The following GRHL2 variants were observed in gnomAD, a reference collection of about 807,000 sequenced individuals.
GRHL2 encodes the protein grainyhead-like protein 2 homolog.
In GRHL2, 21 loss-of-function variants were observed where a neutral mutation model predicts 83.8. That is an observed-to-expected ratio of 0.25 (90% confidence interval 0.18 to 0.36). The LOEUF (loss-of-function observed/expected upper bound fraction) is 0.36, where lower values mean the gene tolerates loss of function less well. GRHL2 is among the 10% of genes least tolerant of loss of function. The pLI is 1.00. For missense variants in GRHL2, 623 were observed against 781.8 expected, an observed-to-expected ratio of 0.80 and a Z score of 2.42; for synonymous variants, 280 against 278.9, an observed-to-expected ratio of 1.00 and a Z score of -0.04.
intron 3 of GRHL2, among the ~76,000 whole-genome samples, chr8:101,554,444 T>C (rs1317722436): frequency 1.3e-5 from 2 of 152,332 alleles, no homozygotes; most frequent in Non-Finnish European, 2.9e-5. Context: ...GACAAGTGAG[T>C]ATCTCTTAGG....
At chr8:101,629,342 G>A (rs1398372361) in intron 9 of GRHL2, among the ~76,000 whole-genome samples, 3 of 151,502 alleles carry the variant, frequency 2.0e-5, no homozygotes, top group Non-Finnish European at 4.4e-5. Context: ...TTTAAGTTAA[G>A]GTATGTACAT....
At chr8:101,522,492 G>T (rs1810705487) in intron 1 of GRHL2, among the ~76,000 whole-genome samples, 1 of 152,108 alleles carries the variant, frequency 6.6e-6, no homozygotes. Context: ...GTGGATATGT[G>T]TCCTCCAGCA....
Position 101,664,506 on chromosome 8 carries a change from A to G in GRHL2, c.1751A>G (p.Lys584Arg). ...PVEKIAKLYK[K>R]SKKGILVNMD... ...GAGAAGATAGCAAAGCTTTACAAGA[A>G]AAGCAAAAAAGGGTAAGAAAGAAAC... Residue 584 changes from lysine to arginine, a missense_variant, in exon 15 of 16, where the codon AAA becomes AGA. This residue lies in a region of GRHL2 where 210 missense variants were observed against 254.8 expected (regional missense o/e 0.82). Coordinates refer to ENST00000646743, the MANE Select transcript of GRHL2 (RefSeq NM_024915.4). 6.2e-7 allele frequency: 1 copy of G among 1,612,462 alleles called. No homozygotes were observed. The highest frequency in any genetic ancestry group is 8.5e-7 in the Non-Finnish European group (1 of 1,178,494).
At chr8:101,552,371 A>G (rs1811401447) in intron 2 of GRHL2, among the ~76,000 whole-genome samples, 1 of 152,196 alleles carries the variant, frequency 6.6e-6, no homozygotes, top group Non-Finnish European at 1.5e-5. Context: ...AAGGCACCCA[A>G]GTCTAGATTC....
chr8:101,650,809 TATC>T (rs1329107798), intron 14 of GRHL2, among the ~76,000 whole-genome samples: 3,606 of 149,902 alleles, frequency 0.024, 129 homozygotes, highest in African/African-American at 0.082. Flanking sequence ...TTGTGATATC[TATC>T]TATCTATCTA....
chr8:101,644,457 G>A (rs1306670205), intron 13 of GRHL2, among the ~76,000 whole-genome samples: 3 of 152,202 alleles, frequency 2.0e-5, no homozygotes, highest in African/African-American at 4.8e-5. Flanking sequence ...TTGGGAGAAC[G>A]TAATGAATAA....
At chr8:101,611,699 C>A (rs1812753532) in intron 8 of GRHL2, among the ~76,000 whole-genome samples, 1 of 150,806 alleles carries the variant, frequency 6.6e-6, no homozygotes, top group South Asian at 2.1e-4. Flanking sequence ...GAGGCTGTGG[C>A]CACAGCTCTA....
intron 1 of GRHL2, among the ~76,000 whole-genome samples, chr8:101,523,076 A>AT (rs528653608): frequency 0.016 from 2,409 of 149,294 alleles, 62 homozygotes; most frequent in African/African-American, 0.056. Flanking sequence ...TGCCCCGCTA[A>AT]TTTTTTTTTT....
intron 1 of GRHL2, among the ~76,000 whole-genome samples, chr8:101,498,146 T>C (rs1262531848): frequency 6.6e-6 from 1 of 152,202 alleles, no homozygotes; most frequent in Non-Finnish European, 1.5e-5. Context: ...TGAGACAGAG[T>C]ATTGCTCTGT....
intron 1 of GRHL2, among the ~76,000 whole-genome samples, chr8:101,516,409 CCT>C (rs1491490088): frequency 8.1e-6 from 1 of 124,174 alleles, no homozygotes; most frequent in Admixed American, 9.6e-5. Context: ...TACCTCTTTT[CCT>C]TTTTTTTTTT....
At chr8:101,599,349 G>A (rs545677464) in intron 8 of GRHL2, among the ~76,000 whole-genome samples, 198 bp downstream of exon 8, 135 of 152,268 alleles carry the variant, frequency 8.9e-4, no homozygotes, top group Non-Finnish European at 1.5e-3. Context: ...GCCAAGCTGC[G>A]TGTCCCACCC....
chr8:101,573,543 GT>G, intron 5 of GRHL2, 124 bp from the exon 6 acceptor site: 1 of 1,141,764 alleles, frequency 8.8e-7, no homozygotes, highest in Non-Finnish European at 1.3e-6. Context: ...GCCATATGCT[GT>G]GTTTTGTCTC....
intron 1 of GRHL2, among the ~76,000 whole-genome samples, chr8:101,509,146 C>CTCTTTTCTTT (rs1810404094): frequency 1.5e-5 from 1 of 67,030 alleles, no homozygotes; most frequent in African/African-American, 4.2e-5. Context: ...TCCTTCCTTC[C>CTCTTTTCTTT]TTCCTTCCTT....
chr8:101,672,185 C>T (rs144203545), downstream of GRHL2, among the ~76,000 whole-genome samples: 3,847 of 151,730 alleles, frequency 0.025, 122 homozygotes, highest in Admixed American at 0.091. Context: ...TCATCAGCAG[C>T]GGAACAAAGC....
chr8:101,657,772 G>A (rs942923263), intron 14 of GRHL2, among the ~76,000 whole-genome samples: 9 of 151,618 alleles, frequency 5.9e-5, no homozygotes, highest in African/African-American at 1.9e-4. Flanking sequence ...CCCAGGAGAC[G>A]GAGCTTGCAG....
intron 2 of GRHL2, among the ~76,000 whole-genome samples, chr8:101,550,218 T>C (rs1586085077): frequency 6.6e-6 from 1 of 151,764 alleles, no homozygotes; most frequent in Admixed American, 6.6e-5. Context: ...AACTTTTGTT[T>C]TAGATTTGGG....
In GRHL2 at chr8:101,669,335, ATGAG is replaced by A. The variant is rs1440778883; in HGVS notation, c.*2635_*2638del. 1 of 134,324 alleles carries A rather than the reference ATGAG, an allele frequency of 7.4e-6. No homozygotes were observed. The highest frequency in any genetic ancestry group is 1.6e-5 in the Non-Finnish European group (1 of 64,406). 8.3% of individuals were successfully genotyped at this position (134,324 alleles called of 1,614,324 possible). On this transcript the variant is annotated 3_prime_UTR_variant, in exon 16 of 16. Transcript: ENST00000646743. The stretch of plus-strand genomic sequence containing the variant: ...TCTCCAAATTGTTTAAACTTACTTT[ATGAG>A]TGTTTGTTTAGAAGTTCGGACCAAC...
intron 11 of GRHL2, among the ~76,000 whole-genome samples, chr8:101,636,388 G>A (rs1266965176): frequency 6.6e-6 from 1 of 152,026 alleles, no homozygotes; most frequent in Non-Finnish European, 1.5e-5. Flanking sequence ...GCCCCTTTGG[G>A]GAGTAAGTAG....
chr8:101,659,610 A>G (rs1465230044), intron 14 of GRHL2, among the ~76,000 whole-genome samples: 1 of 152,244 alleles, frequency 6.6e-6, no homozygotes, highest in African/African-American at 2.4e-5. Flanking sequence ...ATCTTCGCTC[A>G]GAGCCCTCTG....
Sources: allele counts gnomAD v4.1 joint callset (sites outside exome capture counted in the v4.1 genomes callset), GRCh38; gene constraint gnomAD v4.1.1; regional missense constraint gnomAD v4.1.1; transcripts MANE v1.5; gene names NCBI Gene and HGNC (gene_info 2026-07-23, HGNC 2026-07-21).